SBF2: variants seen among roughly 807,000 people sequenced by gnomAD.
SBF2 encodes SET binding factor 2.
Under a neutral mutation model 225.2 loss-of-function variants are expected in SBF2, and 112 were observed. The observed-to-expected ratio is 0.50, with a 90% CI of 0.43 to 0.58. SBF2 has a LOEUF of 0.58. SBF2 is among the 20% of genes least tolerant of loss of function. SBF2 has a pLI of 0.00. For missense variants in SBF2, 1,996 were observed against 2,206.2 expected, an observed-to-expected ratio of 0.90 and a Z score of 1.91; for synonymous variants, 763 against 773.3, an observed-to-expected ratio of 0.99 and a Z score of 0.22.
intron 2 of SBF2, among the ~76,000 whole-genome samples, chr11:10,128,546 C>T (rs1389765558): frequency 6.6e-6 from 1 of 152,160 alleles, no homozygotes; most frequent in Non-Finnish European, 1.5e-5. Flanking sequence ...GCCTATTTTA[C>T]AACATGCTCT....
intron 6 of SBF2, among the ~76,000 whole-genome samples, chr11:10,008,640 T>C (rs1948303785): frequency 6.6e-6 from 1 of 152,196 alleles, no homozygotes; most frequent in Non-Finnish European, 1.5e-5. Context: ...ACTGCATCAA[T>C]GGGACAGATG....
intron 2 of SBF2, among the ~76,000 whole-genome samples, chr11:10,072,462 A>T (rs1950920629): frequency 6.6e-6 from 1 of 152,188 alleles, no homozygotes; most frequent in Non-Finnish European, 1.5e-5. Flanking sequence ...AAACAGTTGA[A>T]GATATACTTC....
chr11:10,002,574 C>T lies in SBF2; in HGVS notation c.735G>A (p.Met245Ile), dbSNP rs1554981022. The change falls in exon 7 of 40, where the codon ATG becomes ATA. Residue 245 changes from methionine to isoleucine, a missense_variant. Physicochemically the swap from Met to Ile is conservative, Grantham distance 10 (BLOSUM62 1). Transcript: ENST00000256190. Reference protein sequence around the residue: ...SDACRALESLMFPLKYSYPYI... With the variant: ...SDACRALESLIFPLKYSYPYI... ...AACCTCACCTATATTTAAGAGGAAA[C>T]ATTAAAGATTCCAGGGCTCTACAAG... 4 of 1,611,834 alleles carry T rather than the reference C, an allele frequency of 2.5e-6. No individual in the cohort carries two copies. Among genetic ancestry groups the T allele is most frequent in the Non-Finnish European group, 3.4e-6 (4 of 1,178,140 alleles).
At chr11:9,822,937 TA>T (rs1332314522) in intron 28 of SBF2, among the ~76,000 whole-genome samples, 1 of 152,240 alleles carries the variant, frequency 6.6e-6, no homozygotes, top group Non-Finnish European at 1.5e-5. Flanking sequence ...CCAAGTCACT[TA>T]ATCTCCCTGG....
chr11:9,872,284 C>T (rs1858839525), intron 17 of SBF2, among the ~76,000 whole-genome samples: 1 of 152,082 alleles, frequency 6.6e-6, no homozygotes, highest in East Asian at 1.9e-4. Context: ...CACATGGACA[C>T]ATAGGGAAGA....
At chr11:10,299,326 A>T (rs1470511994) in intron 1 of SBF2, among the ~76,000 whole-genome samples, 1 of 133,814 alleles carries the variant, frequency 7.5e-6, no homozygotes, top group Non-Finnish European at 1.6e-5. Flanking sequence ...CAACAGAGCA[A>T]GAGTCCATCT....
chr11:9,896,408 A>T (rs1049536737), intron 16 of SBF2, among the ~76,000 whole-genome samples: 1 of 152,014 alleles, frequency 6.6e-6, no homozygotes, highest in Non-Finnish European at 1.5e-5. Flanking sequence ...TCTAAGATAC[A>T]TTTTTTTGCA....
intron 2 of SBF2, among the ~76,000 whole-genome samples, chr11:10,048,693 AT>A (rs1255159907): frequency 6.6e-6 from 1 of 152,236 alleles, no homozygotes; most frequent in Non-Finnish European, 1.5e-5. Flanking sequence ...GTTTTGTAAT[AT>A]TTTAAGACTT....
chr11:9,782,859 G>C (rs7934930), intron 38 of SBF2, among the ~76,000 whole-genome samples: 64,553 of 147,020 alleles, frequency 0.44, 14,649 homozygotes, highest in Admixed American at 0.53. Flanking sequence ...GACAAAGCGA[G>C]ACTCTGTCTC....
chr11:9,981,868 C>G (rs971862217), intron 13 of SBF2, among the ~76,000 whole-genome samples: 1 of 152,048 alleles, frequency 6.6e-6, no homozygotes, highest in African/African-American at 2.4e-5. Context: ...AGGACCTAAT[C>G]GTAATGAAAA....
Position 9,895,822 on chromosome 11 carries a change from C to T in SBF2, c.1929+121G>A, listed in dbSNP as rs541545810. 6.9e-5 allele frequency: 52 copies of T among 758,216 alleles called. 1 individual carries two copies. The highest frequency in any genetic ancestry group is 5.1e-4 in the East Asian group (20 of 38,890). The allele number at this position is 758,216 out of a possible 1,614,324, so 47.0% of individuals were successfully genotyped here. ...CAATAAATGTTATAATAAATATAAC[C>T]GCAGATATATCTTAGGCATGCTACT... On this transcript the variant is annotated intron_variant, in intron 17 of 39. Transcript: ENST00000256190.
intron 1 of SBF2, among the ~76,000 whole-genome samples, chr11:10,289,786 C>T (rs941677243): frequency 6.6e-6 from 1 of 152,152 alleles, no homozygotes; most frequent in African/African-American, 2.4e-5. Flanking sequence ...GCCCCAGACC[C>T]CCATATCACA....
intron 27 of SBF2, among the ~76,000 whole-genome samples, chr11:9,831,402 A>G (rs1855392197): frequency 6.6e-6 from 1 of 152,238 alleles, no homozygotes; most frequent in African/African-American, 2.4e-5. Context: ...CAGTAGTGAG[A>G]CTTCAAGGCA....
At chr11:9,846,418 G>C (rs1222664377) in intron 23 of SBF2, among the ~76,000 whole-genome samples, 1 of 152,122 alleles carries the variant, frequency 6.6e-6, no homozygotes, top group East Asian at 1.9e-4. Context: ...ACTAAGAAAA[G>C]GTCACTTCTT....
intron 2 of SBF2, among the ~76,000 whole-genome samples, chr11:10,071,621 T>G (rs529746990): frequency 6.6e-6 from 1 of 152,304 alleles, no homozygotes; most frequent in South Asian, 2.1e-4. Context: ...AGTATGATAT[T>G]GGCTGTGGGT....
intron 1 of SBF2, among the ~76,000 whole-genome samples, chr11:10,299,868 T>C (rs144603457): frequency 6.6e-6 from 1 of 152,344 alleles, no homozygotes; most frequent in Non-Finnish European, 1.5e-5. Flanking sequence ...TATCAGATCA[T>C]GTCTCTCCTG....
intron 36 of SBF2, 136 bp downstream of exon 36, chr11:9,787,498 C>G: frequency 1.4e-6 from 1 of 736,054 alleles, no homozygotes; most frequent in Non-Finnish European, 2.4e-6. Flanking sequence ...ACCTCCAGGA[C>G]ATGACCCCTC....
At chr11:10,248,039 G>A (rs1489110457) in intron 1 of SBF2, among the ~76,000 whole-genome samples, 1 of 152,162 alleles carries the variant, frequency 6.6e-6, no homozygotes, top group African/African-American at 2.4e-5. Context: ...TTTGTTAAAT[G>A]GTCTAAGGTC....
intron 13 of SBF2, among the ~76,000 whole-genome samples, chr11:9,986,545 C>A (rs1414452937): frequency 1.3e-5 from 2 of 151,810 alleles, no homozygotes; most frequent in African/African-American, 2.4e-5. Flanking sequence ...GCAAGATTAA[C>A]CAAGAAAAGA....
Sources: allele counts gnomAD v4.1 joint callset (sites outside exome capture counted in the v4.1 genomes callset), GRCh38; gene constraint gnomAD v4.1.1; transcripts MANE v1.5; gene names NCBI Gene and HGNC (gene_info 2026-07-23, HGNC 2026-07-21).